Variants in SCAP observed in about 807,000 individuals in gnomAD.
The protein encoded by SCAP is sterol regulatory element-binding protein cleavage-activating protein.
In SCAP, 65 loss-of-function variants were observed where a neutral mutation model predicts 123.6. The ratio of observed to expected loss-of-function variants is 0.53; its 90% CI spans 0.43 to 0.65. The LOEUF (loss-of-function observed/expected upper bound fraction) is 0.65. Ranked by LOEUF, SCAP falls within the 30% of genes least tolerant of loss-of-function variation. The pLI, the probability that SCAP is intolerant of heterozygous loss-of-function variation, is 0.00. For missense variants in SCAP, 1,398 were observed against 1,712.5 expected, an observed-to-expected ratio of 0.82 and a Z score of 3.24; for synonymous variants, 740 against 726.3, an observed-to-expected ratio of 1.02 and a Z score of -0.30.
rs768509116 is a variant in SCAP at position 47,419,736 on chromosome 3, G to A, written c.1564-32C>T. On this transcript the variant is annotated intron_variant, in intron 12 of 22. Coordinates refer to ENST00000265565, the MANE Select transcript of SCAP (RefSeq NM_012235.4). This position sits in a 1 kb window ranked among gnomAD's most constrained non-coding sequence, Gnocchi z 5.0. The stretch of plus-strand genomic sequence containing the variant: ...TGGGGCAGGGGGTACTCAGTGGGAG[G>A]AATGGGCCCCAACCCCCAGCAGCTT... 2.6e-5 allele frequency: 40 copies of A among 1,509,636 alleles called. No homozygotes were observed. Among genetic ancestry groups the A allele is most frequent in the Non-Finnish European group, 3.5e-5 (39 of 1,129,828 alleles). The allele number at this position is 1,509,636 out of a possible 1,614,324, so 93.5% of individuals were successfully genotyped here.
chr3:47,416,359 G>A (rs1216725797), intron 18 of SCAP, among the ~76,000 whole-genome samples: 7 of 152,228 alleles, frequency 4.6e-5, no homozygotes, highest in Non-Finnish European at 8.8e-5. Context: ...AGGAGGCCAA[G>A]CACGACAGAG....
In SCAP at chr3:47,420,452, G is replaced by T; in HGVS notation, c.1563+102C>A. The T allele has an allele frequency of 9.2e-7, 1 of 1,085,324 alleles. No individual in the cohort carries two copies. The highest frequency in any genetic ancestry group is 1.3e-6 in the Non-Finnish European group (1 of 774,534). 67.2% of individuals were successfully genotyped at this position (1,085,324 alleles called of 1,614,324 possible). ...AGGCTTCCAGGGGCCACCAGGGCCTGAGGAATACCCTTTGCCACTCTAAGG... is the reference window on the plus strand; with the variant it reads ...AGGCTTCCAGGGGCCACCAGGGCCTTAGGAATACCCTTTGCCACTCTAAGG... On this transcript the variant is annotated intron_variant, in intron 12 of 22. Coordinates refer to ENST00000265565, the MANE Select transcript of SCAP (RefSeq NM_012235.4). This position sits in a 1 kb window ranked among gnomAD's most constrained non-coding sequence, Gnocchi z 5.0.
At position 47,425,376 on chromosome 3, in the gene SCAP, T is replaced by G. The variant is rs898664919; in HGVS notation, c.1037+109A>C. The G allele has an allele frequency of 3.0e-5, 36 of 1,187,262 alleles. No homozygotes were observed. In the African/African-American group the frequency reaches 5.4e-4, roughly 18 times the overall value. 73.5% of individuals were successfully genotyped at this position (1,187,262 alleles called of 1,614,324 possible). A position where few individuals can be genotyped will look rare whatever the true frequency, so the allele number is the denominator to read the frequency against. ...CTCTTAAATGTCAAAAACAACAATG[T>G]GAAGACGTGAGGTCACAGCAAAGTC... On this transcript the variant is annotated intron_variant, in intron 8 of 22. Coordinates refer to ENST00000265565, the MANE Select transcript of SCAP (RefSeq NM_012235.4).
chr3:47,445,243 CTTTTT>C (rs970206797), intron 1 of SCAP, among the ~76,000 whole-genome samples: 5 of 111,872 alleles, frequency 4.5e-5, no homozygotes, highest in African/African-American at 1.3e-4. Flanking sequence ...GTTTTCAATT[CTTTTT>C]TTTTTTTTTT....
chr3:47,418,626 T>TTTCCCCCCC, intron 14 of SCAP, 29 bp downstream of exon 14: 7 of 1,459,554 alleles, frequency 4.8e-6, no homozygotes, highest in Non-Finnish European at 6.6e-6. Context: ...CCGCACTCTT[T>TTTCCCCCCC]CCCACCCCAC....
chr3:47,433,961 T>C (rs1706466666), intron 3 of SCAP, among the ~76,000 whole-genome samples: 1 of 152,172 alleles, frequency 6.6e-6, no homozygotes, highest in Non-Finnish European at 1.5e-5. Flanking sequence ...ACCTGGGACA[T>C]AAAGCCACAA....
Position 47,426,122 on chromosome 3 carries a change from G to A in SCAP, c.785C>T (p.Pro262Leu), listed in dbSNP as rs139135816. ...RARLMLLHPSPNCSLRAESLV... is the reference protein window; with the variant it reads ...RARLMLLHPSLNCSLRAESLV... ...GCTCTCCGCCCGAAGGCTGCAGTTGGGGCTGGGGTGCAGAAGCATCAGGCG... is the reference window on the plus strand; with the variant it reads ...GCTCTCCGCCCGAAGGCTGCAGTTGAGGCTGGGGTGCAGAAGCATCAGGCG... The change falls in exon 7 of 23, where the codon CCC becomes CTC. Residue 262 changes from proline to leucine, a missense_variant. By Grantham distance (98) the Pro-to-Leu change is moderately conservative. Coordinates refer to ENST00000265565, the MANE Select transcript of SCAP (RefSeq NM_012235.4). 498 of 1,614,028 alleles carry A rather than the reference G, an allele frequency of 3.1e-4. No homozygotes were observed. The highest frequency in any genetic ancestry group is 4.1e-4 in the Non-Finnish European group (478 of 1,179,976).
At chr3:47,448,942 G>C (rs1481569719) in intron 1 of SCAP, among the ~76,000 whole-genome samples, 1 of 152,062 alleles carries the variant, frequency 6.6e-6, no homozygotes, top group Non-Finnish European at 1.5e-5. Context: ...TGTGACTCTA[G>C]CTCTTGTTTA....
Position 47,415,120 on chromosome 3 carries a change from G to C in SCAP, c.3117C>G (p.Ala1039=). ...GACCTCTAAACTGCAGGGGGCTGAG[G>C]GCAGTGTGGGTCTCCAAGGAGAAGA... ...LDFFSLETHT[A]LSPLQFRGTP... is the part of the protein sequence containing the mutation. The change falls in exon 19 of 23, where the codon GCC becomes GCG. Residue 1039 remains alanine, a synonymous_variant. Coordinates refer to ENST00000265565, the MANE Select transcript of SCAP (RefSeq NM_012235.4). 3 of 1,612,096 alleles carry C rather than the reference G, an allele frequency of 1.9e-6. No individual in the cohort carries two copies. The highest frequency in any genetic ancestry group is 2.5e-6 in the Non-Finnish European group (3 of 1,179,468).
At chr3:47,416,905 C>T (rs1333903417) in intron 18 of SCAP, among the ~76,000 whole-genome samples, 4 of 151,930 alleles carry the variant, frequency 2.6e-5, no homozygotes, top group Admixed American at 1.3e-4. Flanking sequence ...GGATTACAGG[C>T]GTGAGCCACC....
At chr3:47,463,811 A>G (rs1410320776) in intron 1 of SCAP, among the ~76,000 whole-genome samples, 1 of 152,106 alleles carries the variant, frequency 6.6e-6, no homozygotes, top group Non-Finnish European at 1.5e-5. Flanking sequence ...AGAATTCAAT[A>G]AGCATCTGTT....
chr3:47,458,933 G>A (rs542980106), intron 1 of SCAP, among the ~76,000 whole-genome samples: 28 of 152,314 alleles, frequency 1.8e-4, no homozygotes, highest in Non-Finnish European at 3.8e-4. Flanking sequence ...AGCCTCGCAA[G>A]TAGCTGGGAT....
chr3:47,465,016 T>C (rs1180464405), intron 1 of SCAP, among the ~76,000 whole-genome samples: 1 of 152,012 alleles, frequency 6.6e-6, no homozygotes, highest in Non-Finnish European at 1.5e-5. Flanking sequence ...ATTCCATTTA[T>C]AATAGCATCA....
chr3:47,422,599 A>C, intron 9 of SCAP, 63 bp from the exon 10 acceptor site: 1 of 1,361,928 alleles, frequency 7.3e-7, no homozygotes, highest in Non-Finnish European at 1.0e-6. Context: ...GACTCACACA[A>C]CCTCATGGGC....
chr3:47,465,257 G>A (rs555055397), intron 1 of SCAP, among the ~76,000 whole-genome samples: 14 of 151,156 alleles, frequency 9.3e-5, no homozygotes, highest in African/African-American at 3.2e-4. Flanking sequence ...TGCAATCTCC[G>A]CCTCCCAGGT....
At chr3:47,465,413 G>A (rs1576315475) in intron 1 of SCAP, among the ~76,000 whole-genome samples, 6 of 152,014 alleles carry the variant, frequency 3.9e-5, no homozygotes, top group Admixed American at 2.0e-4. Flanking sequence ...AAATGACAAC[G>A]TTATCCAAAG....
chr3:47,452,391 C>T (rs1369337289), intron 1 of SCAP, among the ~76,000 whole-genome samples: 1 of 152,054 alleles, frequency 6.6e-6, no homozygotes, highest in Non-Finnish European at 1.5e-5. Flanking sequence ...AAGTGATGAA[C>T]AAACCAACCA....
At chr3:47,476,904 A>T (rs1708284932), upstream of SCAP, 1 of 153,880 alleles carries the variant, frequency 6.5e-6, no homozygotes, top group Non-Finnish European at 1.5e-5. Context: ...GCCCCTGCCT[A>T]CTGCCCGAGA....
Position 47,417,273 on chromosome 3 carries a change from C to G in SCAP, c.2970+31G>C, listed in dbSNP as rs371169044. The G allele has an allele frequency of 4.3e-5, 70 of 1,612,068 alleles. No individual in the cohort carries two copies. The South Asian group carries it at 7.7e-4, about 18-fold the overall frequency. On this transcript the variant is annotated intron_variant, in intron 17 of 22. Transcript: ENST00000265565. ...GCCCACAATCCCCGGGGCGGACAGC[C>G]GCTCTGCCCACCTTTAGCCCCTCTG... is the stretch of plus-strand genomic sequence containing the variant.
Sources: allele counts gnomAD v4.1 joint callset (sites outside exome capture counted in the v4.1 genomes callset), GRCh38; gene constraint gnomAD v4.1.1; non-coding constraint Gnocchi (gnomAD v3.1); transcripts MANE v1.5; gene names NCBI Gene and HGNC (gene_info 2026-07-23, HGNC 2026-07-21).